Variants in ZNF496 observed in about 807,000 individuals in gnomAD.
ZNF496 encodes NSD1 (nuclear receptor binding SET-domain containing 1)-interacting zinc finger protein 1.
Under a neutral mutation model 58.9 loss-of-function variants are expected in ZNF496, and 11 were observed. That is an observed-to-expected ratio of 0.19 (90% CI 0.12 to 0.31). The LOEUF (loss-of-function observed/expected upper bound fraction) is 0.31, where lower values mean the gene tolerates loss of function less well. Ranked by LOEUF, ZNF496 falls within the 10% of genes least tolerant of loss-of-function variation. The pLI is 1.00. For synonymous variants in ZNF496, 338 were observed against 318.2 expected (o/e 1.06, Z -0.66); for missense variants, 660 against 783.0 (o/e 0.84, Z 1.88).
At chr1:247,324,757 G>A (rs1034162037) in intron 5 of ZNF496, among the ~76,000 whole-genome samples, 2 of 152,036 alleles carry the variant, frequency 1.3e-5, no homozygotes, top group Non-Finnish European at 2.9e-5. Flanking sequence ...TTTGAAGACA[G>A]AAATTAAACA....
chr1:247,310,113 G>A (rs1216787230), intron 7 of ZNF496: 2 of 1,432,378 alleles, frequency 1.4e-6, no homozygotes, highest in African/African-American at 1.4e-5. Flanking sequence ...TAAGCCTGAT[G>A]TGGCGAGACA....
intron 5 of ZNF496, among the ~76,000 whole-genome samples, chr1:247,325,948 A>G (rs1480265968): frequency 1.3e-5 from 2 of 151,972 alleles, no homozygotes; most frequent in Admixed American, 6.6e-5. Context: ...CTCCAAGTTT[A>G]AAATCATGTT....
At chr1:247,307,176 C>T in intron 9 of ZNF496, 2 of 985,424 alleles carry the variant, frequency 2.0e-6, no homozygotes, top group Non-Finnish European at 2.4e-6. Flanking sequence ...TATAGAGAAG[C>T]AGACCTTATC....
In ZNF496 at chr1:247,308,926, TC is replaced by T; in HGVS notation, c.893-339del. ...GTTTTCTATAGTCATCACCACAGGCTCCTGCACACTCCGCACATCCTGCACA... is the reference window on the plus strand; with the variant it reads ...GTTTTCTATAGTCATCACCACAGGCTCTGCACACTCCGCACATCCTGCACA... On this transcript the variant is annotated intron_variant, in intron 8 of 9. Coordinates refer to ENST00000682384, the MANE Select transcript of ZNF496 (RefSeq NM_032752.3). The surrounding 1 kb of genome is among the most constrained non-coding windows in gnomAD (Gnocchi z 4.5). 6.5e-5 allele frequency: 21 copies of T among 322,448 alleles called. No individual in the cohort carries two copies. Among genetic ancestry groups the T allele is most frequent in the South Asian group, 1.6e-4 (6 of 36,662 alleles). 20.0% of individuals were successfully genotyped at this position (322,448 alleles called of 1,614,324 possible).
rs768044579 is a variant in ZNF496 at position 247,328,705 on chromosome 1, T to C, written c.552A>G (p.Pro184=). 1.2e-6 allele frequency: 2 copies of C among 1,600,012 alleles called. No homozygotes were observed. Among genetic ancestry groups the C allele is most frequent in the Admixed American group, 1.7e-5 (1 of 57,792 alleles). ...AQCLGLPSRP[P]SQLSGDPVLQ... is the part of the protein sequence containing the mutation. ...TACCTGGGTCCCCGCTGAGCTGGCTTGGTGGTCTGCTTGGGAGCCCCAGGC... is the reference window on the plus strand; with the variant it reads ...TACCTGGGTCCCCGCTGAGCTGGCTCGGTGGTCTGCTTGGGAGCCCCAGGC... Residue 184 remains proline (P), a synonymous_variant, in exon 5 of 10, where the codon CCA becomes CCG. Coordinates refer to ENST00000682384, the MANE Select transcript of ZNF496 (RefSeq NM_032752.3).
chr1:247,316,224 T>C (rs557784401), intron 6 of ZNF496, among the ~76,000 whole-genome samples: 1 of 78,974 alleles, frequency 1.3e-5, no homozygotes, highest in Admixed American at 1.2e-4. Context: ...CGCGTGTGTG[T>C]GTGTGTGTGT....
At chr1:247,322,665 G>A (rs918315530) in intron 6 of ZNF496, 8 of 1,256,378 alleles carry the variant, frequency 6.4e-6, no homozygotes, top group Admixed American at 4.7e-5. Context: ...AAACACGAAC[G>A]AGAACATTCG....
At chr1:247,323,297 A>G (rs1335290738) in intron 5 of ZNF496, 67 bp from the exon 6 acceptor site, 12 of 1,192,044 alleles carry the variant, frequency 1.0e-5, no homozygotes, top group Non-Finnish European at 1.5e-5. Context: ...ATACCTTCTG[A>G]GCTTCCTGCG....
At position 247,317,435 on chromosome 1, in the gene ZNF496, C is replaced by T. The variant is rs116171964; in HGVS notation, c.651+5719G>A. Among the ~76,000 whole-genome samples the T allele has an allele frequency of 2.3e-3, 354 of 152,292 alleles. 4 individuals are homozygous for T. The highest frequency in any genetic ancestry group is 8.3e-3 in the African/African-American group (347 of 41,572). On this transcript the variant is annotated intron_variant, in intron 6 of 9. Coordinates refer to ENST00000682384, the MANE Select transcript of ZNF496 (RefSeq NM_032752.3). Reference sequence around the variant, plus strand: ...AACTGTGGCCCCTTCTTACCAACACCAGCAGAGAATGACTGGGGAGCCTAG... The same window carrying T: ...AACTGTGGCCCCTTCTTACCAACACTAGCAGAGAATGACTGGGGAGCCTAG...
chr1:247,307,694 G>C (rs1239213988), intron 9 of ZNF496: 1 of 985,264 alleles, frequency 1.0e-6, no homozygotes, highest in African/African-American at 1.7e-5. Context: ...GGTCAAAATG[G>C]CATAAATCTT....
At chr1:247,307,458 G>A in intron 9 of ZNF496, 1 of 985,404 alleles carries the variant, frequency 1.0e-6, no homozygotes. Context: ...GCAGAAAGAA[G>A]CTAGAGAAGA....
intron 6 of ZNF496, among the ~76,000 whole-genome samples, chr1:247,319,783 C>A (rs913471826): frequency 6.6e-6 from 1 of 151,950 alleles, no homozygotes; most frequent in African/African-American, 2.4e-5. Context: ...ATGAGCCGGG[C>A]CTGGTGGTGC....
chr1:247,323,924 G>T (rs1401419620), intron 5 of ZNF496, among the ~76,000 whole-genome samples: 5 of 151,776 alleles, frequency 3.3e-5, no homozygotes, highest in Non-Finnish European at 5.9e-5. Flanking sequence ...AGACCAGTCT[G>T]GGCAACATAG....
In ZNF496 at chr1:247,329,469, C is replaced by A; in HGVS notation, c.110G>T (p.Ser37Ile). The A allele has an allele frequency of 6.2e-7, 1 of 1,609,590 alleles. No homozygotes were observed. Among genetic ancestry groups the A allele is most frequent in the Non-Finnish European group, 8.5e-7 (1 of 1,178,296 alleles). The change falls in exon 4 of 10, where the codon AGC (serine) becomes ATC (isoleucine). Residue 37 changes from serine to isoleucine, a missense_variant. Transcript: ENST00000682384. The surrounding 1 kb of genome is among the most constrained non-coding windows in gnomAD (Gnocchi z 5.5). ...ENPSPQGELP[S>I]PESSRRLFRR... ...GAAGAGACGCCGAGAGGACTCGGGG[C>A]TGGGAAGCTCCCCCTGGGGGCTAGG...
At chr1:247,305,718 C>A (rs1659385694) in intron 9 of ZNF496, among the ~76,000 whole-genome samples, 1 of 152,144 alleles carries the variant, frequency 6.6e-6, no homozygotes, top group Non-Finnish European at 1.5e-5. Flanking sequence ...AATGGGGAAG[C>A]TTTCTCAAGC....
intron 5 of ZNF496, among the ~76,000 whole-genome samples, chr1:247,324,890 T>C (rs1280812818): frequency 6.6e-6 from 1 of 152,236 alleles, no homozygotes; most frequent in Non-Finnish European, 1.5e-5. Context: ...TATTTTGGGC[T>C]ACCAGGGACT....
chr1:247,314,373 A>C (rs1388817594), intron 6 of ZNF496, among the ~76,000 whole-genome samples: 1 of 147,778 alleles, frequency 6.8e-6, no homozygotes, highest in East Asian at 1.9e-4. Flanking sequence ...TCATTACTTA[A>C]TCCACTGTCT....
chr1:247,329,877 G>A lies in ZNF496; in HGVS notation c.-38+89C>T, dbSNP rs926908506. ...AACAAGACAGGAAATCTGGGAGAAA[G>A]TGGTGGCATTTCAACGTGACACTGC... is the stretch of plus-strand genomic sequence containing the variant. On this transcript the variant is annotated intron_variant, in intron 3 of 9. Coordinates refer to ENST00000682384, the MANE Select transcript of ZNF496 (RefSeq NM_032752.3). This position sits in a 1 kb window ranked among gnomAD's most constrained non-coding sequence, Gnocchi z 5.5. The A allele has an allele frequency of 1.2e-5, 4 of 342,958 alleles. No individual in the cohort carries two copies. Among genetic ancestry groups the A allele is most frequent in the African/African-American group, 6.4e-5 (3 of 46,730 alleles). 21.2% of individuals were successfully genotyped at this position (342,958 alleles called of 1,614,324 possible). A position where few individuals can be genotyped will look rare whatever the true frequency, so the allele number is the denominator to read the frequency against.
chr1:247,321,842 G>C (rs1256025074), intron 6 of ZNF496, among the ~76,000 whole-genome samples: 1 of 152,254 alleles, frequency 6.6e-6, no homozygotes, highest in Non-Finnish European at 1.5e-5. Flanking sequence ...ACAGTACACA[G>C]CAGATGCTGA....
Sources: gnomAD v4.1 joint callset for allele counts (sites outside exome capture counted in the v4.1 genomes callset) on GRCh38, gnomAD v4.1.1 for gene constraint, Gnocchi (gnomAD v3.1) non-coding constraint, MANE v1.5 for transcripts, NCBI Gene and HGNC (gene_info 2026-07-23, HGNC 2026-07-21) for gene names.